The following COIL variants were observed in gnomAD, a reference collection of about 807,000 sequenced individuals.
COIL encodes the protein coilin.
A neutral mutation model predicts 51.6 loss-of-function variants in COIL; 28 were observed. The ratio of observed to expected loss-of-function variants is 0.54; its 90% CI spans 0.40 to 0.74. The LOEUF is 0.74. Among genes scored for constraint, COIL ranks in the 30% least tolerant of loss-of-function variants. The probability of loss-of-function intolerance (pLI) is 0.00; values close to 1 mark genes in which losing one functional copy is unlikely to be tolerated. For missense variants in COIL, 667 were observed against 685.9 expected (o/e 0.97, Z 0.31); for synonymous variants, 233 against 255.8 (o/e 0.91, Z 0.85).
chr17:56,949,247 C>T lies in COIL; in HGVS notation c.1488+140G>A, dbSNP rs576738033. ...TGATACTATTAAAGAGTTGACATTT[C>T]GATTAATGTTTTCATTTTCTACTTT... On this transcript the variant is annotated intron_variant, in intron 4 of 6. Coordinates refer to ENST00000240316, the MANE Select transcript of COIL (RefSeq NM_004645.3). 9.1e-4 allele frequency: 582 copies of T among 641,032 alleles called. 1 individual carries two copies. The highest frequency in any genetic ancestry group is 7.3e-3 in the Middle Eastern group (17 of 2,338). The allele number at this position is 641,032 out of a possible 1,614,324, so 39.7% of individuals were successfully genotyped here.
At chr17:56,952,126 AC>A (rs1268347999) in intron 1 of COIL, 77 of 443,374 alleles carry the variant, frequency 1.7e-4, no homozygotes, top group African/African-American at 1.5e-3. Context: ...CCAGTTTCTA[AC>A]TATAATGATG....
At chr17:56,958,509 G>A (rs1910522775) in intron 1 of COIL, among the ~76,000 whole-genome samples, 1 of 152,180 alleles carries the variant, frequency 6.6e-6, no homozygotes, top group African/African-American at 2.4e-5. Flanking sequence ...ATGCAGCTGT[G>A]CATTTGAAGC....
chr17:56,941,488 C>T (rs994211601), intron 6 of COIL, among the ~76,000 whole-genome samples: 2 of 152,150 alleles, frequency 1.3e-5, no homozygotes, highest in Non-Finnish European at 2.9e-5. Flanking sequence ...GAGAATCGCT[C>T]GAACCTGAGA....
intron 5 of COIL, among the ~76,000 whole-genome samples, chr17:56,942,399 A>T (rs1205567960): frequency 1.3e-5 from 2 of 152,172 alleles, no homozygotes; most frequent in Non-Finnish European, 2.9e-5. Context: ...TGAATATGGC[A>T]CCACAAGATA....
intron 1 of COIL, among the ~76,000 whole-genome samples, chr17:56,954,286 G>A (rs547635856): frequency 5.5e-4 from 84 of 152,112 alleles, no homozygotes; most frequent in East Asian, 3.1e-3. Context: ...TTGGCCGGGC[G>A]CGGTGGCTCA....
At chr17:56,952,729 T>TCAATCTCCA (rs1910396767) in intron 1 of COIL, among the ~76,000 whole-genome samples, 1 of 152,156 alleles carries the variant, frequency 6.6e-6, no homozygotes, top group Admixed American at 6.6e-5. Flanking sequence ...TTAGGACTTC[T>TCAATCTCCA]CAATCTCCAC....
chr17:56,941,902 C>T, intron 6 of COIL, 133 bp downstream of exon 6: 1 of 691,806 alleles, frequency 1.4e-6, no homozygotes. Context: ...CCTGATTTGG[C>T]ACTGGTATTG....
chr17:56,949,848 A>C, intron 2 of COIL, 41 bp downstream of exon 2: 2 of 1,610,508 alleles, frequency 1.2e-6, no homozygotes, highest in South Asian at 1.1e-5. Flanking sequence ...ACACATTCTA[A>C]GGGGAAAGGG....
Position 56,938,945 on chromosome 17 carries a change from A to G in COIL, c.*126T>C, listed in dbSNP as rs889730386. ...TGATGAGGTAGATTGTTTCCTATGCAGTAAAGTGAAGATAACAAAAAAATC... is the reference window on the plus strand; with the variant it reads ...TGATGAGGTAGATTGTTTCCTATGCGGTAAAGTGAAGATAACAAAAAAATC... On this transcript the variant is annotated 3_prime_UTR_variant, in exon 7 of 7. Coordinates refer to ENST00000240316, the MANE Select transcript of COIL (RefSeq NM_004645.3). 3.1e-5 allele frequency: 18 copies of G among 573,194 alleles called. No homozygotes were observed. In the Middle Eastern group the frequency reaches 2.4e-3, roughly 75 times the overall value. 35.5% of individuals were successfully genotyped at this position (573,194 alleles called of 1,614,324 possible).
At position 56,942,923 on chromosome 17, in the gene COIL, G is replaced by A. The variant is rs566211904; in HGVS notation, c.1559-800C>T. On this transcript the variant is annotated intron_variant, in intron 5 of 6. Transcript: ENST00000240316. ...ATAGGAAAAATTATTATCGTCTTACGAGTTTTAAAAAATTTTGCCAAAACA... is the reference window on the plus strand; with the variant it reads ...ATAGGAAAAATTATTATCGTCTTACAAGTTTTAAAAAATTTTGCCAAAACA... Among the ~76,000 whole-genome samples, 68 of 152,196 alleles carry A rather than the reference G, an allele frequency of 4.5e-4. 1 individual carries two copies. In the South Asian group the frequency reaches 0.013, roughly 30 times the overall value.
At position 56,961,048 on chromosome 17, in the gene COIL, G is replaced by T. The variant is rs201520115; in HGVS notation, c.-29C>A. On this transcript the variant is annotated 5_prime_UTR_variant, in exon 1 of 7. Transcript: ENST00000240316. ...GCTTGGTGCTCAACGGAAGCCGAGAGATACCACGGGGCCACCGAGAGGCGT... is the reference window on the plus strand; with the variant it reads ...GCTTGGTGCTCAACGGAAGCCGAGATATACCACGGGGCCACCGAGAGGCGT... The T allele has an allele frequency of 6.2e-7, 1 of 1,604,510 alleles. No homozygotes were observed. Among genetic ancestry groups the T allele is most frequent in the Non-Finnish European group, 8.5e-7 (1 of 1,176,632 alleles).
intron 4 of COIL, among the ~76,000 whole-genome samples, chr17:56,949,131 TA>T (rs766614936): frequency 1.2e-4 from 19 of 152,192 alleles, no homozygotes; most frequent in East Asian, 7.7e-4. Context: ...AAAATTAATA[TA>T]TTTTTTTTAA....
Position 56,942,398 on chromosome 17 carries a change from C to T in COIL, c.1559-275G>A, listed in dbSNP as rs528838538. Among the ~76,000 whole-genome samples the T allele has an allele frequency of 9.2e-5, 14 of 152,212 alleles. No individual in the cohort carries two copies. In the South Asian group the frequency reaches 2.9e-3, roughly 32 times the overall value. On this transcript the variant is annotated intron_variant, in intron 5 of 6. Coordinates refer to ENST00000240316, the MANE Select transcript of COIL (RefSeq NM_004645.3). ...TTAGTACTACCAGAATTGAATATGG[C>T]ACCACAAGATAATCCCCAAAATTAA... is the stretch of plus-strand genomic sequence containing the variant.
At position 56,949,663 on chromosome 17, in the gene COIL, T is replaced by C. The variant is rs1910317279; in HGVS notation, c.1440+18A>G. On this transcript the variant is annotated intron_variant, in intron 3 of 6. Transcript: ENST00000240316. ...GGGAATGAACCTTTTTTGCTGTGAC[T>C]GTTCTTTTGAAATATACCTTAAATG... The C allele has an allele frequency of 6.2e-7, 1 of 1,603,508 alleles. No homozygotes were observed.
At chr17:56,953,841 A>T (rs1186388730) in intron 1 of COIL, among the ~76,000 whole-genome samples, 1 of 152,176 alleles carries the variant, frequency 6.6e-6, no homozygotes, top group Non-Finnish European at 1.5e-5. Context: ...GGAGAAAGAG[A>T]CAAATAAAAT....
rs766954677 is a variant in COIL at position 56,950,597 on chromosome 17, T to A, written c.645A>T (p.Arg215Ser). The A allele has an allele frequency of 1.9e-6, 3 of 1,614,232 alleles. No individual in the cohort carries two copies. The highest frequency in any genetic ancestry group is 2.5e-6 in the Non-Finnish European group (3 of 1,180,030). ...VQAVKDWANQ[R>S]CSSPKGSARN... ...TAGCAGAACCTTTTGGAGAACTACA[T>A]CTCTGATTGGCCCAGTCTTTCACTG... Residue 215 changes from arginine to serine, a missense_variant, in exon 2 of 7, where the codon AGA becomes AGT. Arg to Ser is a moderately radical substitution (Grantham distance 110, BLOSUM62 -1). Transcript: ENST00000240316.
rs141548745 is a variant in COIL, at chr17:56,958,360, G to A, written c.245+2415C>T. Among the ~76,000 whole-genome samples, 88 of 152,310 alleles carry A rather than the reference G, an allele frequency of 5.8e-4. No individual in the cohort carries two copies. In the East Asian group the frequency reaches 0.015, roughly 26 times the overall value. ...AGACTATGTGTTCTTCCGTAGCTCT[G>A]AAGAAAAGTGAATTTGCCAGGGAAA... On this transcript the variant is annotated intron_variant, in intron 1 of 6. Coordinates refer to ENST00000240316, the MANE Select transcript of COIL (RefSeq NM_004645.3).
chr17:56,955,115 A>G (rs1351538161), intron 1 of COIL, among the ~76,000 whole-genome samples: 1 of 152,256 alleles, frequency 6.6e-6, no homozygotes, highest in Non-Finnish European at 1.5e-5. Context: ...CCCAGGCTGG[A>G]CTGCAGTGGC....
chr17:56,957,377 TG>T (rs1910503886), intron 1 of COIL, among the ~76,000 whole-genome samples: 1 of 152,092 alleles, frequency 6.6e-6, no homozygotes, highest in South Asian at 2.1e-4. Flanking sequence ...CCCAGCACTT[TG>T]GGAAGCTGAG....
Sources: allele counts gnomAD v4.1 joint callset (sites outside exome capture counted in the v4.1 genomes callset), GRCh38; gene constraint gnomAD v4.1.1; transcripts MANE v1.5; gene names NCBI Gene and HGNC (gene_info 2026-07-23, HGNC 2026-07-21).